CENPP: variants seen among roughly 807,000 people sequenced by gnomAD.
CENPP encodes centromere protein P.
In CENPP, 24 loss-of-function variants were observed where a neutral mutation model predicts 35.6. The ratio of observed to expected loss-of-function variants is 0.67; its 90% CI spans 0.49 to 0.95. The LOEUF (loss-of-function observed/expected upper bound fraction) is 0.95. Among genes scored for constraint, CENPP ranks in the 40% least tolerant of loss-of-function variants. The probability of loss-of-function intolerance (pLI) is 0.00; values close to 1 mark genes in which losing one functional copy is unlikely to be tolerated. For synonymous variants in CENPP, 120 were observed against 125.5 expected, an observed-to-expected ratio of 0.96 and a Z score of 0.29; for missense variants, 332 against 345.3, an observed-to-expected ratio of 0.96 and a Z score of 0.31.
chr9:92,341,067 CA>C (rs1841100728), intron 3 of CENPP, among the ~76,000 whole-genome samples: 1 of 152,144 alleles, frequency 6.6e-6, no homozygotes, highest in Admixed American at 6.5e-5. Context: ...ACAGCCCCCC[CA>C]GGGGCGCCTG....
At chr9:92,329,658 C>T (rs986468361) in intron 1 of CENPP, among the ~76,000 whole-genome samples, 2 of 152,124 alleles carry the variant, frequency 1.3e-5, no homozygotes, top group Non-Finnish European at 2.9e-5. Context: ...CCTGCCTCAG[C>T]GACCCTCCAC....
intron 5 of CENPP, among the ~76,000 whole-genome samples, chr9:92,445,641 T>C (rs1215557174): frequency 6.6e-6 from 1 of 152,172 alleles, no homozygotes; most frequent in Non-Finnish European, 1.5e-5. Context: ...CTCAACACTT[T>C]GGGAGGCCGA....
intron 3 of CENPP, among the ~76,000 whole-genome samples, chr9:92,343,962 CAAAAAAAA>C (rs35920973): frequency 1.6e-5 from 1 of 60,988 alleles, no homozygotes; most frequent in Non-Finnish European, 3.1e-5. Context: ...AACCCTGTCT[CAAAAAAAA>C]AAAAAAAAAA....
chr9:92,591,273 AGCCAGTGTGATGGCG>A (rs1345408820), intron 5 of CENPP, among the ~76,000 whole-genome samples: 12 of 152,030 alleles, frequency 7.9e-5, no homozygotes, highest in Non-Finnish European at 1.6e-4. Flanking sequence ...CAAAAAAATT[AGCCAGTGTGATGGCG>A]GCCGCCTGTA....
At chr9:92,573,034 G>C (rs936299198) in intron 5 of CENPP, among the ~76,000 whole-genome samples, 1 of 151,990 alleles carries the variant, frequency 6.6e-6, no homozygotes, top group African/African-American at 2.4e-5. Flanking sequence ...CGATGGGTTC[G>C]AACATCCTCC....
intron 5 of CENPP, among the ~76,000 whole-genome samples, chr9:92,525,751 G>A (rs953947192): frequency 6.6e-6 from 1 of 151,924 alleles, no homozygotes; most frequent in Non-Finnish European, 1.5e-5. Flanking sequence ...TTAGCTGTGT[G>A]TGGTGGTGCA....
rs1157940303 is a variant in CENPP at position 92,569,415 on chromosome 9, G to A, written c.565-41899G>A. Among the ~76,000 whole-genome samples the A allele has an allele frequency of 5.1e-4, 77 of 152,104 alleles. 2 individuals carry two copies. The highest frequency in any genetic ancestry group is 5.0e-3 in the Admixed American group (77 of 15,270). Reference sequence around the variant, plus strand: ...TAGATGTGTGGTATTCTTTCTGAGGGCTCTGTTCTGTTCCATTGGTCTATA... The same window carrying A: ...TAGATGTGTGGTATTCTTTCTGAGGACTCTGTTCTGTTCCATTGGTCTATA... On this transcript the variant is annotated intron_variant, in intron 5 of 7. Coordinates refer to ENST00000375587, the MANE Select transcript of CENPP (RefSeq NM_001012267.3).
At position 92,476,283 on chromosome 9, in the gene CENPP, T is replaced by A. The variant is rs183537083; in HGVS notation, c.564+96424T>A. ...CCTCCAAATCCCAACTGGTTGCAAT[T>A]TCCCAGAACCAAAAAATCAGCTTTA... On this transcript the variant is annotated intron_variant, in intron 5 of 7. Transcript: ENST00000375587. This position sits in a 1 kb window ranked among gnomAD's most constrained non-coding sequence, Gnocchi z 4.1. Among the ~76,000 whole-genome samples the A allele has an allele frequency of 3.9e-5, 6 of 152,296 alleles. No individual in the cohort carries two copies. The highest frequency in any genetic ancestry group is 2.0e-4 in the Admixed American group (3 of 15,306).
chr9:92,475,543 G>T (rs1038059087), intron 5 of CENPP, among the ~76,000 whole-genome samples: 1 of 152,096 alleles, frequency 6.6e-6, no homozygotes, highest in African/African-American at 2.4e-5. Flanking sequence ...AATAAACATC[G>T]TAAAAACAGA....
chr9:92,511,044 A>G (rs1847302343), intron 5 of CENPP, among the ~76,000 whole-genome samples: 1 of 152,220 alleles, frequency 6.6e-6, no homozygotes, highest in Non-Finnish European at 1.5e-5. Flanking sequence ...TGGCTTTTCA[A>G]ACATACACAT....
intron 5 of CENPP, chr9:92,457,062 G>A (rs1588142642): frequency 5.4e-6 from 7 of 1,301,632 alleles, no homozygotes; most frequent in East Asian, 6.4e-5. Flanking sequence ...TCATTTGTAC[G>A]CAAAAAGAAA....
At chr9:92,424,757 C>A (rs1235109329) in intron 5 of CENPP, among the ~76,000 whole-genome samples, 1 of 152,212 alleles carries the variant, frequency 6.6e-6, no homozygotes, top group Non-Finnish European at 1.5e-5. Flanking sequence ...TCACCACAAC[C>A]TCCACCTCCC....
At chr9:92,344,717 T>C (rs895264916) in intron 3 of CENPP, among the ~76,000 whole-genome samples, 2 of 151,454 alleles carry the variant, frequency 1.3e-5, no homozygotes, top group African/African-American at 2.4e-5. Flanking sequence ...CTAGCTAATT[T>C]TTTGTATTTT....
At chr9:92,352,505 G>GTATATATATATATATA (rs1554753078) in intron 4 of CENPP, among the ~76,000 whole-genome samples, 10 of 49,774 alleles carry the variant, frequency 2.0e-4, no homozygotes, top group Non-Finnish European at 2.6e-4. Context: ...GTGTGTGTGT[G>GTATATATATATATATA]TATACATATA....
chr9:92,501,417 A>G (rs1444388601), intron 5 of CENPP, among the ~76,000 whole-genome samples: 1 of 152,160 alleles, frequency 6.6e-6, no homozygotes, highest in Non-Finnish European at 1.5e-5. Context: ...ATGCATCTAA[A>G]TGCCTATCTG....
In CENPP at chr9:92,614,322, C is replaced by T. The variant is rs1015596855; in HGVS notation, c.*1173C>T. On this transcript the variant is annotated 3_prime_UTR_variant, in exon 8 of 8. Coordinates refer to ENST00000375587, the MANE Select transcript of CENPP (RefSeq NM_001012267.3). ...AACAGTGAACTCCCTTGGGTCAAGA[C>T]AGTACTCAACGGCCACTACCTCCAC... is the stretch of plus-strand genomic sequence containing the variant. 6.6e-6 allele frequency: 1 copy of T among 152,460 alleles called. No homozygotes were observed. The allele number at this position is 152,460 out of a possible 1,614,324, so 9.4% of individuals were successfully genotyped here.
chr9:92,567,883 C>T (rs1450067312), intron 5 of CENPP, among the ~76,000 whole-genome samples: 1 of 151,812 alleles, frequency 6.6e-6, no homozygotes, highest in African/African-American at 2.4e-5. Flanking sequence ...AGCTTAAATA[C>T]CTCACTACAA....
chr9:92,460,615 A>T (rs1292980457), intron 5 of CENPP: 1 of 1,161,338 alleles, frequency 8.6e-7, no homozygotes, highest in Non-Finnish European at 1.3e-6. Context: ...CACTAAGCCC[A>T]ATTGACTATT....
Position 92,616,391 on chromosome 9 carries a change from G to A in CENPP, c.*3242G>A, listed in dbSNP as rs1253954464. 4.5e-6 allele frequency: 1 copy of A among 221,990 alleles called. No homozygotes were observed. The highest frequency in any genetic ancestry group is 2.3e-5 in the African/African-American group (1 of 43,744). 13.8% of individuals were successfully genotyped at this position (221,990 alleles called of 1,614,324 possible). On this transcript the variant is annotated 3_prime_UTR_variant, in exon 8 of 8. Coordinates refer to ENST00000375587, the MANE Select transcript of CENPP (RefSeq NM_001012267.3). ...GACTGAAAGATGGAAAAGTAATTAT[G>A]TGGAACATGTGAGCGATGTTCCCCC...
Sources: allele counts gnomAD v4.1 joint callset (sites outside exome capture counted in the v4.1 genomes callset), GRCh38; gene constraint gnomAD v4.1.1; non-coding constraint Gnocchi (gnomAD v3.1); transcripts MANE v1.5; gene names NCBI Gene and HGNC (gene_info 2026-07-23, HGNC 2026-07-21).